The following TTLL12 variants were observed in gnomAD, a reference collection of about 807,000 sequenced individuals.
TTLL12 encodes the protein tubulin tyrosine ligase like 12.
TTLL12 carries 77 observed loss-of-function variants against 79.6 expected under a neutral mutation model. That is an observed-to-expected ratio of 0.97 (90% CI 0.81 to 1.17). The LOEUF (loss-of-function observed/expected upper bound fraction) is 1.17. Ranked by LOEUF, TTLL12 falls within the 50% of genes most tolerant of loss-of-function variation. TTLL12 has a pLI of 0.00. For missense variants in TTLL12, 969 were observed against 895.9 expected, an observed-to-expected ratio of 1.08 and a Z score of -1.04; for synonymous variants, 437 against 376.1, an observed-to-expected ratio of 1.16 and a Z score of -1.87.
chr22:43,177,631 G>T (rs1159025658), intron 5 of TTLL12, among the ~76,000 whole-genome samples: 4 of 152,226 alleles, frequency 2.6e-5, no homozygotes, highest in African/African-American at 9.6e-5. Flanking sequence ...GCACTCTTAT[G>T]GAGAGGCCCA....
chr22:43,186,189 A>AC (rs59941359), intron 1 of TTLL12, among the ~76,000 whole-genome samples: 7,675 of 81,868 alleles, frequency 0.094, 809 homozygotes, highest in African/African-American at 0.17. Flanking sequence ...TAAAGAAAAC[A>AC]CCCCCCCCCC....
At position 43,186,942 on chromosome 22, in the gene TTLL12, C is replaced by A. The variant is rs1030807807; in HGVS notation, c.128G>T (p.Gly43Val). The A allele has an allele frequency of 2.2e-6, 3 of 1,367,186 alleles. No individual in the cohort carries two copies. The highest frequency in any genetic ancestry group is 2.8e-6 in the Non-Finnish European group (3 of 1,057,182). 84.7% of individuals were successfully genotyped at this position (1,367,186 alleles called of 1,614,324 possible). ...GCGGCCCCAGTAACGTTCGGGGACC[C>A]CCGAAGCGCGCAGCGCCGGGCCGTG... ...ALHGPALRAS[G>V]VPERYWGRLL... The change falls in exon 1 of 14, where the codon GGG becomes GTG. Residue 43 changes from glycine to valine, a missense_variant. Coordinates refer to ENST00000216129, the MANE Select transcript of TTLL12 (RefSeq NM_015140.4).
chr22:43,176,530 G>T, intron 5 of TTLL12, 134 bp from the exon 6 acceptor site: 1 of 721,520 alleles, frequency 1.4e-6, no homozygotes, highest in African/African-American at 1.7e-5. Context: ...AGGAGCTCGA[G>T]ACCAGCCTGG....
intron 2 of TTLL12, 138 bp from the exon 3 acceptor site, chr22:43,181,078 G>A: frequency 1.0e-6 from 1 of 999,884 alleles, no homozygotes; most frequent in Non-Finnish European, 1.4e-6. Flanking sequence ...CCATAGTTAT[G>A]CCTAGTTTTG....
chr22:43,186,050 A>G (rs1415176390), intron 1 of TTLL12: 9 of 984,256 alleles, frequency 9.1e-6, no homozygotes, highest in Non-Finnish European at 9.7e-6. Context: ...GCCAGCAGCC[A>G]GGCTCAGGGA....
intron 1 of TTLL12, 134 bp downstream of exon 1, chr22:43,186,759 A>T: frequency 1.1e-6 from 1 of 906,246 alleles, no homozygotes; most frequent in Non-Finnish European, 1.4e-6. Flanking sequence ...GCCGCTCCAG[A>T]GCTGCCCAGG....
rs144897125 is a variant in TTLL12 at position 43,174,842 on chromosome 22, C to T, written c.918-227G>A. ...CCCTTGTGACCCCTGGTTCCCCATC[C>T]GCAGGACTGGACCACACCGTCCACC... On this transcript the variant is annotated intron_variant, in intron 6 of 13. Transcript: ENST00000216129. Among the ~76,000 whole-genome samples the T allele has an allele frequency of 2.7e-3, 404 of 152,278 alleles. 1 individual carries two copies. Among genetic ancestry groups the T allele is most frequent in the African/African-American group, 7.0e-3 (290 of 41,552 alleles).
At chr22:43,168,377 CCAGCCCTAGGGATGA>C (rs1931672247) in intron 13 of TTLL12, among the ~76,000 whole-genome samples, 2 of 151,696 alleles carry the variant, frequency 1.3e-5, no homozygotes, top group African/African-American at 4.8e-5. Flanking sequence ...AGGGCTGCCT[CCAGCCCTAGGGATGA>C]CAGCCTGGCC....
chr22:43,178,863 T>A (rs1041293147), intron 5 of TTLL12, among the ~76,000 whole-genome samples: 1 of 152,136 alleles, frequency 6.6e-6, no homozygotes, highest in Non-Finnish European at 1.5e-5. Flanking sequence ...TGTAAAATTG[T>A]AAGGAACTGA....
At chr22:43,178,543 G>A (rs370502350) in intron 5 of TTLL12, among the ~76,000 whole-genome samples, 28 of 152,056 alleles carry the variant, frequency 1.8e-4, no homozygotes, top group Admixed American at 9.8e-4. Flanking sequence ...GGATGGTCTC[G>A]ATCTCCTGAT....
At chr22:43,181,089 G>C in intron 2 of TTLL12, 149 bp from the exon 3 acceptor site, 2 of 881,394 alleles carry the variant, frequency 2.3e-6, no homozygotes, top group East Asian at 5.3e-5. Flanking sequence ...CCTAGTTTTG[G>C]ACTCCAGTGG....
chr22:43,173,824 C>G lies in TTLL12; in HGVS notation c.1232G>C (p.Gly411Ala). The G allele has an allele frequency of 6.2e-7, 1 of 1,602,398 alleles. No individual in the cohort carries two copies. The highest frequency in any genetic ancestry group is 8.5e-7 in the Non-Finnish European group (1 of 1,179,594). Residue 411 changes from glycine to alanine, a missense_variant and splice_region_variant, in exon 9 of 14, where the codon GGC becomes GCC. Coordinates refer to ENST00000216129, the MANE Select transcript of TTLL12 (RefSeq NM_015140.4). ...VSYFQQRERW[G>A]EDNHWICKPW... ...CTTGCAGATCCAGTGGTTGTCCTCG[C>G]CCCTGGGGAGCAGAAGGGCTGTCTG...
chr22:43,175,710 C>A (rs1931888272), intron 6 of TTLL12: 1 of 152,018 alleles, frequency 6.6e-6, no homozygotes, highest in African/African-American at 2.4e-5. Context: ...GCTCTGTAGC[C>A]CAGGCTGGAG....
At chr22:43,174,162 C>G (rs377210837) in intron 8 of TTLL12, 47 bp downstream of exon 8, 25 of 1,575,202 alleles carry the variant, frequency 1.6e-5, no homozygotes, top group Non-Finnish European at 2.0e-5. Context: ...GACGCTGGGC[C>G]GGGGAAAAGG....
chr22:43,184,180 G>T (rs989987892), intron 1 of TTLL12, among the ~76,000 whole-genome samples: 1 of 152,252 alleles, frequency 6.6e-6, no homozygotes, highest in African/African-American at 2.4e-5. Flanking sequence ...GCGCACAGTG[G>T]AGGCTCAACA....
chr22:43,185,293 ATATATATGTATG>A (rs1569488242), intron 1 of TTLL12, among the ~76,000 whole-genome samples: 2 of 97,722 alleles, frequency 2.0e-5, no homozygotes. Flanking sequence ...ATATATATAT[ATATATATGTATG>A]TATCTTCAAG....
chr22:43,185,026 G>T (rs770633494), intron 1 of TTLL12, among the ~76,000 whole-genome samples: 34 of 151,942 alleles, frequency 2.2e-4, no homozygotes, highest in Non-Finnish European at 4.6e-4. Flanking sequence ...TCAGGAATTC[G>T]AGATCAGCCT....
Position 43,176,385 on chromosome 22 carries a change from C to T in TTLL12, c.852G>A (p.Glu284=). Reference sequence around the variant, plus strand: ...CAAGTGGCAGCTTCTCCTTGTTTTCCTCCAGAATGGCCTAAAAGGAAACAC... The same window carrying T: ...CAAGTGGCAGCTTCTCCTTGTTTTCTTCCAGAATGGCCTAAAAGGAAACAC... The part of the protein sequence containing the change: ...PPAEHYQAIL[E]ENKEKLPLDI... Residue 284 remains glutamate, a synonymous_variant, in exon 6 of 14, where the codon GAG becomes GAA. Transcript: ENST00000216129. The T allele has an allele frequency of 6.2e-7, 1 of 1,605,780 alleles. No homozygotes were observed. Among genetic ancestry groups the T allele is most frequent in the Non-Finnish European group, 8.5e-7 (1 of 1,177,170 alleles).
intron 11 of TTLL12, chr22:43,170,126 C>T (rs1457064406): frequency 1.4e-5 from 5 of 356,172 alleles, no homozygotes; most frequent in Non-Finnish European, 2.7e-5. Context: ...AGGAAAGGCC[C>T]CTATGGAAGC....
Sources: gnomAD v4.1 joint callset for allele counts (sites outside exome capture counted in the v4.1 genomes callset) on GRCh38, gnomAD v4.1.1 for gene constraint, MANE v1.5 for transcripts, NCBI Gene and HGNC (gene_info 2026-07-23, HGNC 2026-07-21) for gene names.